Variants in CNTN6 observed in about 807,000 individuals in gnomAD.
CNTN6 encodes contactin 6, also known as contactin-6.
A neutral mutation model predicts 122.8 loss-of-function variants in CNTN6; 137 were observed. The ratio of observed to expected loss-of-function variants is 1.12; its 90% CI spans 0.97 to 1.29. CNTN6 has a LOEUF of 1.29. Ranked by LOEUF, CNTN6 falls within the 50% of genes most tolerant of loss-of-function variation. The pLI, the probability that CNTN6 is intolerant of heterozygous loss-of-function variation, is 0.00. For synonymous variants in CNTN6, 570 were observed against 426.0 expected (o/e 1.34, Z -4.16); for missense variants, 1,634 against 1,223.4 (o/e 1.34, Z -5.01).
At chr3:1,377,128 G>A (rs867622155) in intron 17 of CNTN6, 53 bp downstream of exon 17, 2 of 1,219,160 alleles carry the variant, frequency 1.6e-6, no homozygotes, top group Middle Eastern at 3.9e-4. Context: ...TAACTGGCCA[G>A]AAAGAAACTG....
chr3:1,238,842 A>G (rs2094450165), intron 4 of CNTN6, among the ~76,000 whole-genome samples: 1 of 152,194 alleles, frequency 6.6e-6, no homozygotes, highest in African/African-American at 2.4e-5. Context: ...CTGAATGATC[A>G]AACAAAAAGC....
intron 4 of CNTN6, among the ~76,000 whole-genome samples, chr3:1,257,175 A>G (rs1347089696): frequency 6.6e-6 from 1 of 152,138 alleles, no homozygotes; most frequent in Non-Finnish European, 1.5e-5. Context: ...ATTATTTTGT[A>G]AATTTCCTAA....
chr3:1,257,751 A>G (rs977982465), intron 4 of CNTN6, among the ~76,000 whole-genome samples: 5 of 152,190 alleles, frequency 3.3e-5, no homozygotes, highest in Admixed American at 3.3e-4. Context: ...AGAGCGAGCT[A>G]TTCTACAAAG....
chr3:1,131,039 A>G (rs550639671), intron 1 of CNTN6, among the ~76,000 whole-genome samples: 1 of 152,238 alleles, frequency 6.6e-6, no homozygotes, highest in African/African-American at 2.4e-5. Context: ...AGGTTGTTCC[A>G]GCGAAATAAC....
In CNTN6 at chr3:1,376,893, C is replaced by T. The variant is rs542269375; in HGVS notation, c.2096-112C>T. The T allele has an allele frequency of 1.3e-3, 891 of 664,108 alleles. 20 individuals are homozygous for T. The South Asian group carries it at 0.014, about 11-fold the overall frequency. The allele number at this position is 664,108 out of a possible 1,614,324, so 41.1% of individuals were successfully genotyped here. A position where few individuals can be genotyped will look rare whatever the true frequency, so the allele number is the denominator to read the frequency against. On this transcript the variant is annotated intron_variant, in intron 16 of 22. Coordinates refer to ENST00000446702, the MANE Select transcript of CNTN6 (RefSeq NM_001289080.2). ...ACGTTCATTAAAAATGCAAGACTCT[C>T]TCACAGTATGCCTGTGTGAGATTTT...
chr3:1,364,287 T>C (rs1289290923), intron 12 of CNTN6, among the ~76,000 whole-genome samples: 1 of 151,966 alleles, frequency 6.6e-6, no homozygotes, highest in Admixed American at 6.6e-5. Flanking sequence ...TTTGAAGTGC[T>C]ATTTATATAC....
rs1263615744 is a variant in CNTN6, at chr3:1,384,827, A to G, written c.2518-784A>G. 4.0e-5 allele frequency among the ~76,000 whole-genome samples: 6 copies of G among 148,558 alleles called. No individual in the cohort carries two copies. The East Asian group carries it at 1.2e-3, about 29-fold the overall frequency. ...CACACACACACATATATATATATAT[A>G]TATAACCATAATCCTCTGATTCCAA... On this transcript the variant is annotated intron_variant, in intron 19 of 22. Coordinates refer to ENST00000446702, the MANE Select transcript of CNTN6 (RefSeq NM_001289080.2).
At chr3:1,381,474 T>A (rs896247858) in intron 17 of CNTN6, among the ~76,000 whole-genome samples, 1 of 152,014 alleles carries the variant, frequency 6.6e-6, no homozygotes, top group Non-Finnish European at 1.5e-5. Flanking sequence ...TGGGAAGTAA[T>A]GAGGACAGGA....
intron 2 of CNTN6, among the ~76,000 whole-genome samples, chr3:1,168,197 C>G (rs757284367): frequency 3.3e-5 from 5 of 151,894 alleles, no homozygotes; most frequent in Non-Finnish European, 7.4e-5. Flanking sequence ...CGTGACACAT[C>G]GCGCCCGGCC....
chr3:1,102,614 G>A (rs545334225), intron 1 of CNTN6, among the ~76,000 whole-genome samples: 2,974 of 149,832 alleles, frequency 0.02, 130 homozygotes, highest in African/African-American at 0.07. Context: ...TGTAGTCCCA[G>A]CTACTCGGGA....
chr3:1,379,256 T>A (rs1710317050), intron 17 of CNTN6, among the ~76,000 whole-genome samples: 1 of 152,166 alleles, frequency 6.6e-6, no homozygotes, highest in Non-Finnish European at 1.5e-5. Context: ...AACCATGACC[T>A]ATGAGACAAA....
chr3:1,210,549 TA>T (rs1450629174), intron 2 of CNTN6, among the ~76,000 whole-genome samples: 1 of 152,106 alleles, frequency 6.6e-6, no homozygotes, highest in African/African-American at 2.4e-5. Flanking sequence ...AGAAGCTTGG[TA>T]ATAGAAGAAA....
At chr3:1,167,167 A>G (rs1186168939) in intron 2 of CNTN6, among the ~76,000 whole-genome samples, 1 of 152,106 alleles carries the variant, frequency 6.6e-6, no homozygotes, top group African/African-American at 2.4e-5. Context: ...ACAAACAAAC[A>G]AACAAAAACA....
At chr3:1,179,927 C>A (rs1392110598) in intron 2 of CNTN6, among the ~76,000 whole-genome samples, 2 of 152,120 alleles carry the variant, frequency 1.3e-5, no homozygotes, top group South Asian at 4.1e-4. Flanking sequence ...TAATTTGTTA[C>A]CAGGTGAGCA....
intron 11 of CNTN6, among the ~76,000 whole-genome samples, chr3:1,335,582 G>A (rs155403): frequency 0.48 from 72,924 of 151,954 alleles, 18,416 homozygotes; most frequent in East Asian, 0.77. Context: ...ACCCACTGGA[G>A]AGACAGTTCA....
intron 5 of CNTN6, among the ~76,000 whole-genome samples, chr3:1,291,709 A>G (rs770503057): frequency 2.8e-4 from 43 of 152,286 alleles, no homozygotes; most frequent in South Asian, 6.2e-4. Context: ...CTCTGATTTC[A>G]AACAAAAACC....
intron 4 of CNTN6, among the ~76,000 whole-genome samples, chr3:1,237,649 A>G (rs1449758465): frequency 6.6e-6 from 1 of 152,204 alleles, no homozygotes; most frequent in African/African-American, 2.4e-5. Flanking sequence ...GCTATGAGAC[A>G]AAAGCATCAG....
chr3:1,337,538 A>C (rs966872037), intron 11 of CNTN6, among the ~76,000 whole-genome samples: 1 of 152,090 alleles, frequency 6.6e-6, no homozygotes, highest in African/African-American at 2.4e-5. Flanking sequence ...ACAAGCAAAT[A>C]AACTTAATTT....
intron 17 of CNTN6, among the ~76,000 whole-genome samples, chr3:1,382,445 T>A (rs1692041470): frequency 6.6e-6 from 1 of 152,016 alleles, no homozygotes; most frequent in Non-Finnish European, 1.5e-5. Flanking sequence ...TGATGGGAGG[T>A]CTTTTATACT....
Sources: allele counts gnomAD v4.1 joint callset (sites outside exome capture counted in the v4.1 genomes callset), GRCh38; gene constraint gnomAD v4.1.1; transcripts MANE v1.5; gene names NCBI Gene and HGNC (gene_info 2026-07-23, HGNC 2026-07-21).